Variants in CD5 observed in about 807,000 individuals in gnomAD.
CD5 encodes T-cell surface glycoprotein CD5.
In CD5, 36 loss-of-function variants were observed where a neutral mutation model predicts 60.3. The observed-to-expected ratio is 0.60, with a 90% CI of 0.46 to 0.79. The LOEUF is 0.79. Among genes scored for constraint, CD5 ranks in the 30% least tolerant of loss-of-function variants. CD5 has a pLI of 0.00. For synonymous variants in CD5, 230 were observed against 257.6 expected (o/e 0.89, Z 1.03); for missense variants, 540 against 630.6 (o/e 0.86, Z 1.54).
intron 1 of CD5, among the ~76,000 whole-genome samples, chr11:61,102,881 G>A (rs1224789333): frequency 1.3e-5 from 2 of 152,228 alleles, no homozygotes; most frequent in Admixed American, 6.5e-5. Context: ...GTGCAAGAGA[G>A]ACTGCAGGGG....
chr11:61,100,897 TCACACACACATCAACATGGAGATCA>T (rs1565181172), upstream of CD5, among the ~76,000 whole-genome samples: 45 of 107,734 alleles, frequency 4.2e-4, 1 homozygote, highest in African/African-American at 1.5e-3. Flanking sequence ...AACATGGAGA[TCACACACACATCAACATGGAGATCA>T]CACACACACA....
At chr11:61,114,372 G>A (rs1565184463) in intron 1 of CD5, among the ~76,000 whole-genome samples, 1 of 152,200 alleles carries the variant, frequency 6.6e-6, no homozygotes, top group Non-Finnish European at 1.5e-5. Flanking sequence ...GCTGATGCAC[G>A]AGGATCACTT....
chr11:61,097,526 CCAGGACTGGA>C (rs1340078233), upstream of CD5, among the ~76,000 whole-genome samples: 3 of 152,130 alleles, frequency 2.0e-5, no homozygotes, highest in African/African-American at 7.2e-5. Flanking sequence ...CGGAGTCCCA[CCAGGACTGGA>C]CAGCCCCCAC....
intron 1 of CD5, among the ~76,000 whole-genome samples, chr11:61,111,993 TC>T (rs1273309350): frequency 1.3e-5 from 2 of 152,076 alleles, no homozygotes; most frequent in Admixed American, 6.5e-5. Context: ...ACAGACGTGC[TC>T]CCCAGACTCT....
chr11:61,100,892 G>A (rs1212774524), upstream of CD5, among the ~76,000 whole-genome samples: 2 of 107,298 alleles, frequency 1.9e-5, no homozygotes, highest in Admixed American at 1.1e-4. Flanking sequence ...ACATCAACAT[G>A]GAGATCACAC....
rs1248505917 is a variant in CD5 at position 61,118,446 on chromosome 11, TG to T, written c.367del (p.Asp123ThrfsTer8). On this transcript the variant is annotated frameshift_variant, in exon 3 of 11. Transcript: ENST00000347785. LOFTEE classifies it high-confidence loss of function. This position sits in a 1 kb window ranked among gnomAD's most constrained non-coding sequence, Gnocchi z 4.7. ...SFSNCSHSRN[D>X]MCHSLGLTCL... ...TCTCCAACTGCAGCCACAGCAGAAA[TG>T]ACATGTGTCACTCTCTGGGCCTGAC... is the stretch of plus-strand genomic sequence containing the variant. 1 of 1,614,238 alleles carries T rather than the reference TG, an allele frequency of 6.2e-7. No individual in the cohort carries two copies. The highest frequency in any genetic ancestry group is 2.2e-5 in the East Asian group (1 of 44,874).
chr11:61,109,321 A>AGAC (rs1860818673), intron 1 of CD5, among the ~76,000 whole-genome samples: 1 of 152,200 alleles, frequency 6.6e-6, no homozygotes, highest in African/African-American at 2.4e-5. Flanking sequence ...AGACACTGCC[A>AGAC]TGTGTTTGAA....
In CD5 at chr11:61,119,298, C is replaced by G. The variant is rs1861016277; in HGVS notation, c.528C>G (p.Phe176Leu). ...AGCACTGTGCCGGCGTGGTGGAGTT[C>G]TACAGCGGCAGCCTGGGGGGTACCA... ...GGQHCAGVVE[F>L]YSGSLGGTIS... The change falls in exon 5 of 11, where the codon TTC becomes TTG. Residue 176 changes from phenylalanine (F) to leucine (L), a missense_variant. Coordinates refer to ENST00000347785, the MANE Select transcript of CD5 (RefSeq NM_014207.4). 5.0e-6 allele frequency: 8 copies of G among 1,613,668 alleles called. No homozygotes were observed. The highest frequency in any genetic ancestry group is 6.8e-6 in the Non-Finnish European group (8 of 1,180,014).
At chr11:61,103,970 T>TG (rs1213583757) in intron 1 of CD5, among the ~76,000 whole-genome samples, 1 of 120,334 alleles carries the variant, frequency 8.3e-6, no homozygotes, top group East Asian at 2.8e-4. Context: ...GAGTATTTTG[T>TG]GGGGGGGAAA....
intron 1 of CD5, among the ~76,000 whole-genome samples, chr11:61,107,277 G>A (rs1860789821): frequency 6.6e-6 from 1 of 152,202 alleles, no homozygotes; most frequent in Admixed American, 6.5e-5. Context: ...CTGCAGGTCA[G>A]TGGGGGATCG....
intron 9 of CD5, 105 bp from the exon 10 acceptor site, chr11:61,125,646 T>C (rs1400354046): frequency 7.4e-6 from 5 of 678,096 alleles, no homozygotes; most frequent in South Asian, 2.0e-5. Context: ...CACCGGCTCA[T>C]AAAGCCCCTG....
chr11:61,118,987 T>G lies in CD5; in HGVS notation c.463+10T>G. The G allele has an allele frequency of 6.2e-7, 1 of 1,608,052 alleles. No homozygotes were observed. Among genetic ancestry groups the G allele is most frequent in the Non-Finnish European group, 8.5e-7 (1 of 1,175,976 alleles). On this transcript the variant is annotated intron_variant, in intron 4 of 10. Coordinates refer to ENST00000347785, the MANE Select transcript of CD5 (RefSeq NM_014207.4). This position sits in a 1 kb window ranked among gnomAD's most constrained non-coding sequence, Gnocchi z 4.7. ...ACTCCAGAGCCCACAGGTAAGAGGA[T>G]TCTGAACCCCCCACAGGGAGTCAGA... is the stretch of plus-strand genomic sequence containing the variant.
Position 61,118,938 on chromosome 11 carries a change from A to G in CD5, c.424A>G (p.Thr142Ala), listed in dbSNP as rs1861006858. ...CLEPQKTTPP[T>A]TRPPPTTTPE... is the part of the protein sequence containing the mutation. The stretch of plus-strand genomic sequence containing the variant: ...AGAACCCCAGAAGACAACACCTCCA[A>G]CGACAAGGCCCCCGCCCACCACAAC... The change falls in exon 4 of 11, where the codon ACG becomes GCG. Residue 142 changes from threonine to alanine, a missense_variant. By Grantham distance (58) the Thr-to-Ala change is moderately conservative. Transcript: ENST00000347785. This position sits in a 1 kb window ranked among gnomAD's most constrained non-coding sequence, Gnocchi z 4.7. 6.2e-7 allele frequency: 1 copy of G among 1,613,748 alleles called. No individual in the cohort carries two copies. The highest frequency in any genetic ancestry group is 8.5e-7 in the Non-Finnish European group (1 of 1,179,926).
chr11:61,116,431 A>C (rs1860946858), intron 2 of CD5, among the ~76,000 whole-genome samples: 1 of 138,526 alleles, frequency 7.2e-6, no homozygotes, highest in African/African-American at 2.7e-5. Flanking sequence ...ACACAACCAC[A>C]CCACACACAC....
chr11:61,111,300 G>A (rs981653425), intron 1 of CD5, among the ~76,000 whole-genome samples: 1 of 152,194 alleles, frequency 6.6e-6, no homozygotes, highest in Admixed American at 6.5e-5. Flanking sequence ...TTTGGAGTCA[G>A]ACACATGGTT....
At position 61,125,902 on chromosome 11, in the gene CD5, C is replaced by T. The variant is rs2134615323; in HGVS notation, c.*2+61C>T. The T allele has an allele frequency of 3.4e-6, 4 of 1,161,298 alleles. No individual in the cohort carries two copies. In the East Asian group the frequency reaches 7.9e-5, roughly 23 times the overall value. The allele number at this position is 1,161,298 out of a possible 1,614,324, so 71.9% of individuals were successfully genotyped here. ...GGTCCCCCACAGTCCTGGGGGTGAGCAGCAGCCACTCAATGCCTCCCCTCA... is the reference window on the plus strand; with the variant it reads ...GGTCCCCCACAGTCCTGGGGGTGAGTAGCAGCCACTCAATGCCTCCCCTCA... On this transcript the variant is annotated intron_variant, in intron 10 of 10. Transcript: ENST00000347785.
rs531689500 is a variant in CD5, at chr11:61,118,887, C to T, written c.401-28C>T. On this transcript the variant is annotated intron_variant, in intron 3 of 10. Transcript: ENST00000347785. This position sits in a 1 kb window ranked among gnomAD's most constrained non-coding sequence, Gnocchi z 4.7. ...CCCGGCCCTCCCCACACCACCCATT[C>T]CTCCCTCACCAGAGTGTCTCATTGC... The T allele has an allele frequency of 9.4e-6, 15 of 1,593,906 alleles. No individual in the cohort carries two copies. In the Admixed American group the frequency reaches 1.7e-4, roughly 18 times the overall value.
chr11:61,118,608 A>T lies in CD5; in HGVS notation c.400+128A>T. 1 of 859,082 alleles carries T rather than the reference A, an allele frequency of 1.2e-6. No homozygotes were observed. Among genetic ancestry groups the T allele is most frequent in the Non-Finnish European group, 1.8e-6 (1 of 559,768 alleles). 53.2% of individuals were successfully genotyped at this position (859,082 alleles called of 1,614,324 possible). A position where few individuals can be genotyped will look rare whatever the true frequency, so the allele number is the denominator to read the frequency against. ...GGTGGGGGGACCCCAGTTTATAACC[A>T]CTCCCCAAGACACATACCCAGGAGG... is the stretch of plus-strand genomic sequence containing the variant. On this transcript the variant is annotated intron_variant, in intron 3 of 10. Transcript: ENST00000347785. The surrounding 1 kb of genome is among the most constrained non-coding windows in gnomAD (Gnocchi z 4.7).
intron 1 of CD5, among the ~76,000 whole-genome samples, chr11:61,104,932 T>G (rs915574876): frequency 6.6e-6 from 1 of 152,196 alleles, no homozygotes; most frequent in African/African-American, 2.4e-5. Flanking sequence ...CACTTCCGTG[T>G]GCAGGAAAAT....
Sources: gnomAD v4.1 joint callset for allele counts (sites outside exome capture counted in the v4.1 genomes callset) on GRCh38, gnomAD v4.1.1 for gene constraint, Gnocchi (gnomAD v3.1) non-coding constraint, MANE v1.5 for transcripts, NCBI Gene and HGNC (gene_info 2026-07-23, HGNC 2026-07-21) for gene names.